Variants in PPP2R3B observed in about 807,000 individuals in gnomAD.
PPP2R3B encodes the protein serine/threonine-protein phosphatase 2A regulatory subunit B'' subunit beta.
A neutral mutation model predicts 72.9 loss-of-function variants in PPP2R3B; 68 were observed. The ratio of observed to expected loss-of-function variants is 0.93; its 90% CI spans 0.77 to 1.14. The LOEUF (loss-of-function observed/expected upper bound fraction) is 1.14, where lower values mean the gene tolerates loss of function less well. PPP2R3B is among the 50% of genes most tolerant of loss of function. PPP2R3B has a pLI of 0.00. For synonymous variants in PPP2R3B, 466 were observed against 375.8 expected (o/e 1.24, Z -2.78); for missense variants, 1,018 against 842.0 (o/e 1.21, Z -2.59).
At chrX:338,512 GCA>G in intron 12 of PPP2R3B, 90 bp downstream of exon 12, 1 of 1,229,458 alleles carries the variant, frequency 8.1e-7, no homozygotes. Flanking sequence ...TCCCCCGGCT[GCA>G]CACACACCCG....
intron 2 of PPP2R3B, among the ~76,000 whole-genome samples, chrX:348,731 A>T (rs2123996447): frequency 6.6e-6 from 1 of 152,300 alleles, no homozygotes; most frequent in African/African-American, 2.4e-5. Flanking sequence ...ACTACAATAG[A>T]AAATCTGAAA....
chrX:371,844 T>G (rs899989775), intron 1 of PPP2R3B, among the ~76,000 whole-genome samples: 2 of 118,896 alleles, frequency 1.7e-5, no homozygotes, highest in Admixed American at 1.2e-4. Flanking sequence ...CAAATATGCC[T>G]GTAATTCCTC....
Position 338,387 on chromosome X carries a change from C to T in PPP2R3B, c.1577+217G>A, listed in dbSNP as rs764716156. 3.3e-5 allele frequency: 20 copies of T among 613,746 alleles called. No homozygotes were observed. In the East Asian group the frequency reaches 3.3e-4, roughly 10 times the overall value. The allele number at this position is 613,746 out of a possible 1,614,324, so 38.0% of individuals were successfully genotyped here. On this transcript the variant is annotated intron_variant, in intron 12 of 12. Transcript: ENST00000390665. ...TCACAGAACCCCACGCGGGGAATGA[C>T]GGGCAGACTGCACCGAGGCCCGGCC...
At chrX:352,936 G>A (rs1456445913) in intron 2 of PPP2R3B, among the ~76,000 whole-genome samples, 1 of 151,248 alleles carries the variant, frequency 6.6e-6, no homozygotes, top group African/African-American at 2.4e-5. Flanking sequence ...GCTGTGGCTC[G>A]GAGCCCCCAC....
intron 2 of PPP2R3B, among the ~76,000 whole-genome samples, chrX:356,156 G>T (rs1393064003): frequency 6.6e-6 from 1 of 152,230 alleles, no homozygotes; most frequent in Non-Finnish European, 1.5e-5. Flanking sequence ...GCCCGCAGGG[G>T]TCAACGCTGC....
intron 1 of PPP2R3B, among the ~76,000 whole-genome samples, chrX:382,271 C>T (rs1364776531): frequency 6.6e-6 from 1 of 150,760 alleles, no homozygotes; most frequent in African/African-American, 2.4e-5. Context: ...AATTTCAGCT[C>T]ACTGCAATCT....
intron 8 of PPP2R3B, 145 bp downstream of exon 8, chrX:341,738 G>C (rs1418347776): frequency 2.2e-6 from 2 of 898,464 alleles, no homozygotes; most frequent in East Asian, 2.4e-5. Flanking sequence ...TCACGTGACA[G>C]AGACACGTGC....
intron 2 of PPP2R3B, among the ~76,000 whole-genome samples, chrX:355,202 G>A (rs1326270104): frequency 6.6e-6 from 1 of 152,166 alleles, no homozygotes; most frequent in Non-Finnish European, 1.5e-5. Context: ...AAACCTAACA[G>A]TGCTTCTCAA....
At chrX:374,405 G>A (rs1306475833) in intron 1 of PPP2R3B, among the ~76,000 whole-genome samples, 27 of 152,340 alleles carry the variant, frequency 1.8e-4, no homozygotes, top group Non-Finnish European at 4.4e-5. Context: ...CCAAACTTCA[G>A]GAGTTTCTAG....
intron 12 of PPP2R3B, 149 bp from the exon 13 acceptor site, chrX:334,666 G>T: frequency 1.1e-6 from 1 of 946,628 alleles, no homozygotes; most frequent in Non-Finnish European, 1.4e-6. Context: ...AGCCAGCAAC[G>T]CGCTCCTGGC....
At chrX:371,056 G>C (rs1213033646) in intron 1 of PPP2R3B, among the ~76,000 whole-genome samples, 1 of 152,096 alleles carries the variant, frequency 6.6e-6, no homozygotes, top group East Asian at 1.9e-4. Flanking sequence ...GCCAGGCTAG[G>C]CAGCACAGCT....
rs749525066 is a variant in PPP2R3B, at chrX:334,417, C to A, written c.1678G>T (p.Val560Leu). ...FFEAPSPLGA[V>L]DLYEYACGDE... is the part of the protein sequence containing the mutation. ...CCGCATGCGTACTCGTACAGGTCCA[C>A]GGCGCCCAGCGGTGAGGGCGCCTCG... Residue 560 changes from valine (V) to leucine (L), a missense_variant, in exon 13 of 13, where the codon GTG becomes TTG. Coordinates refer to ENST00000390665, the MANE Select transcript of PPP2R3B (RefSeq NM_013239.5). The A allele has an allele frequency of 6.3e-7, 1 of 1,591,230 alleles. No individual in the cohort carries two copies. The highest frequency in any genetic ancestry group is 1.7e-5 in the Admixed American group (1 of 57,554).
At chrX:355,640 G>A (rs2071420289) in intron 2 of PPP2R3B, among the ~76,000 whole-genome samples, 3 of 152,182 alleles carry the variant, frequency 2.0e-5, no homozygotes, top group Admixed American at 2.0e-4. Context: ...TGCTGTATAT[G>A]CCACAAACGT....
At chrX:359,657 A>C (rs1339214298) in intron 2 of PPP2R3B, among the ~76,000 whole-genome samples, 1 of 152,252 alleles carries the variant, frequency 6.6e-6, no homozygotes, top group Admixed American at 6.5e-5. Flanking sequence ...AGACAGGGAC[A>C]CCTCTACAAA....
intron 12 of PPP2R3B, chrX:337,124 A>C (rs1404718299): frequency 6.7e-6 from 1 of 150,170 alleles, no homozygotes; most frequent in Non-Finnish European, 1.5e-5. Flanking sequence ...TCTGTCACCC[A>C]GGCTGGAGTG....
chrX:381,389 T>C (rs2072120738), intron 1 of PPP2R3B, among the ~76,000 whole-genome samples: 1 of 152,098 alleles, frequency 6.6e-6, no homozygotes, highest in Non-Finnish European at 1.5e-5. Flanking sequence ...GGGAGTTCAA[T>C]GGACCTAGCG....
At chrX:336,230 A>C (rs1219531532) in intron 12 of PPP2R3B, 2 of 152,220 alleles carry the variant, frequency 1.3e-5, no homozygotes, top group Non-Finnish European at 2.9e-5. Context: ...ATGTGAGGAT[A>C]ACACATGACT....
rs983083210 is a variant in PPP2R3B at position 346,203 on chromosome X, C to T, written c.850G>A (p.Ala284Thr). The T allele has an allele frequency of 1.9e-6, 3 of 1,567,214 alleles. No homozygotes were observed. Among genetic ancestry groups the T allele is most frequent in the South Asian group, 2.3e-5 (2 of 85,426 alleles). ...AGGAAGGAGCTCCTCCGCAGCTCGG[C>T]GCAGGTGATCCTGCCGGACCAGGAC... ...NRSWSGRITC[A>T]ELRRSSFLQN... is the part of the protein sequence containing the mutation. Residue 284 changes from alanine (A) to threonine (T), a missense_variant, in exon 6 of 13, where the codon GCC becomes ACC. By Grantham distance (58) the Ala-to-Thr change is moderately conservative. Transcript: ENST00000390665.
intron 6 of PPP2R3B, 102 bp downstream of exon 6, chrX:346,072 G>A: frequency 3.7e-6 from 2 of 533,728 alleles, no homozygotes; most frequent in East Asian, 3.5e-5. Flanking sequence ...TGGGAGAGGG[G>A]GTGGGAGGGG....
Sources: allele counts gnomAD v4.1 joint callset (sites outside exome capture counted in the v4.1 genomes callset), GRCh38; gene constraint gnomAD v4.1.1; transcripts MANE v1.5; gene names NCBI Gene and HGNC (gene_info 2026-07-23, HGNC 2026-07-21).